Variants in GRID2 observed in about 807,000 individuals in gnomAD.
The protein encoded by GRID2 is glutamate ionotropic receptor delta type subunit 2.
GRID2 carries 33 observed loss-of-function variants against 114.8 expected under a neutral mutation model. The ratio of observed to expected loss-of-function variants is 0.29; its 90% CI spans 0.22 to 0.38. The LOEUF (loss-of-function observed/expected upper bound fraction) is 0.38. GRID2 is among the 10% of genes least tolerant of loss of function. The pLI, the probability that GRID2 is intolerant of heterozygous loss-of-function variation, is 1.00. For missense variants in GRID2, 1,184 were observed against 1,257.7 expected, an observed-to-expected ratio of 0.94 and a Z score of 0.89; for synonymous variants, 505 against 449.9, an observed-to-expected ratio of 1.12 and a Z score of -1.55.
chr4:92,424,244 A>C (rs1185709314), intron 1 of GRID2, among the ~76,000 whole-genome samples: 2 of 152,122 alleles, frequency 1.3e-5, no homozygotes, highest in Non-Finnish European at 1.5e-5. Context: ...ATTATTGCAA[A>C]GGAAAGAGTT....
intron 1 of GRID2, among the ~76,000 whole-genome samples, chr4:92,410,805 A>G (rs989156687): frequency 4.1e-5 from 6 of 147,912 alleles, no homozygotes; most frequent in Admixed American, 6.8e-5. Context: ...TCGGTGTAAT[A>G]TTTAACAACC....
At chr4:93,308,586 G>T (rs577333422) in intron 8 of GRID2, among the ~76,000 whole-genome samples, 1 of 152,200 alleles carries the variant, frequency 6.6e-6, no homozygotes, top group African/African-American at 2.4e-5. Flanking sequence ...TTAGTAAAGG[G>T]TTTCAACAGG....
intron 13 of GRID2, among the ~76,000 whole-genome samples, chr4:93,558,459 C>T (rs537925234): frequency 2.0e-5 from 3 of 152,278 alleles, no homozygotes; most frequent in East Asian, 3.9e-4. Context: ...CTATGCACAC[C>T]TCTATGCAAA....
At chr4:93,670,397 A>G (rs1442643606) in intron 14 of GRID2, among the ~76,000 whole-genome samples, 3 of 152,160 alleles carry the variant, frequency 2.0e-5, no homozygotes, top group Non-Finnish European at 4.4e-5. Context: ...TTTTTCTAAT[A>G]TACTGATAAA....
chr4:92,396,475 A>G (rs979009658), intron 1 of GRID2, among the ~76,000 whole-genome samples: 1 of 151,988 alleles, frequency 6.6e-6, no homozygotes, highest in Non-Finnish European at 1.5e-5. Context: ...TATCATCATC[A>G]TACACAGTCA....
chr4:93,008,032 CAAAA>C (rs1273416294), intron 2 of GRID2, among the ~76,000 whole-genome samples: 1 of 62,510 alleles, frequency 1.6e-5, no homozygotes, highest in Admixed American at 1.8e-4. Flanking sequence ...GAGACTGTCA[CAAAA>C]AAAAAAAAAA....
At chr4:92,387,205 A>T (rs868350076) in intron 1 of GRID2, among the ~76,000 whole-genome samples, 68 of 151,990 alleles carry the variant, frequency 4.5e-4, no homozygotes, top group Admixed American at 3.0e-3. Flanking sequence ...GAACATCTTA[A>T]CTCTAGAAAC....
At chr4:93,589,556 G>T (rs1737946690) in intron 13 of GRID2, among the ~76,000 whole-genome samples, 1 of 152,016 alleles carries the variant, frequency 6.6e-6, no homozygotes, top group Non-Finnish European at 1.5e-5. Context: ...ATAGTCATTT[G>T]GGTATATACC....
chr4:92,652,250 A>G (rs1731978862), intron 2 of GRID2, among the ~76,000 whole-genome samples: 1 of 152,022 alleles, frequency 6.6e-6, no homozygotes, highest in African/African-American at 2.4e-5. Flanking sequence ...TACTCGGTCT[A>G]CTGATTCATA....
At chr4:93,629,948 G>C (rs1743091836) in intron 14 of GRID2, among the ~76,000 whole-genome samples, 3 of 152,134 alleles carry the variant, frequency 2.0e-5, no homozygotes, top group Admixed American at 2.0e-4. Context: ...TATGCTACAA[G>C]TACATACACT....
At chr4:92,654,657 A>T (rs923462683) in intron 2 of GRID2, among the ~76,000 whole-genome samples, 3 of 151,850 alleles carry the variant, frequency 2.0e-5, no homozygotes, top group Non-Finnish European at 4.4e-5. Flanking sequence ...TTCCCTGATG[A>T]TTAACAATGT....
intron 8 of GRID2, among the ~76,000 whole-genome samples, chr4:93,265,381 G>A (rs1750708613): frequency 6.6e-6 from 1 of 152,162 alleles, no homozygotes; most frequent in Admixed American, 6.5e-5. Context: ...TAACCAAGTT[G>A]TGGACATTCT....
At chr4:93,377,035 T>C (rs529925003) in intron 8 of GRID2, among the ~76,000 whole-genome samples, 1 of 152,184 alleles carries the variant, frequency 6.6e-6, no homozygotes, top group South Asian at 2.1e-4. Context: ...GTCATGATTA[T>C]GTTTTAAAGG....
intron 1 of GRID2, among the ~76,000 whole-genome samples, chr4:92,467,741 A>G (rs943547591): frequency 6.6e-6 from 1 of 152,002 alleles, no homozygotes; most frequent in Non-Finnish European, 1.5e-5. Flanking sequence ...ATGTGTACAC[A>G]TGTTATGGAA....
At chr4:93,383,793 T>G (rs551827969) in intron 8 of GRID2, among the ~76,000 whole-genome samples, 22 of 152,218 alleles carry the variant, frequency 1.4e-4, no homozygotes, top group African/African-American at 5.3e-4. Context: ...TTTATTTCTT[T>G]ATTTCTTTTT....
At chr4:93,563,260 C>T (rs76003900) in intron 13 of GRID2, among the ~76,000 whole-genome samples, 3 of 151,910 alleles carry the variant, frequency 2.0e-5, no homozygotes, top group Admixed American at 1.3e-4. Context: ...TTTTTTAAAA[C>T]GTCATTGTTT....
chr4:93,089,100 G>A (rs1480996874), intron 3 of GRID2, among the ~76,000 whole-genome samples: 1 of 152,026 alleles, frequency 6.6e-6, no homozygotes, highest in Non-Finnish European at 1.5e-5. Context: ...GTAGTGGGAG[G>A]TCAGGTAACT....
chr4:93,496,834 G>A (rs553403110), intron 12 of GRID2, among the ~76,000 whole-genome samples: 1 of 151,928 alleles, frequency 6.6e-6, no homozygotes, highest in Non-Finnish European at 1.5e-5. Context: ...AAGCTTCTAA[G>A]AACACTTACA....
chr4:93,185,884 T>G (rs974876117), intron 4 of GRID2, among the ~76,000 whole-genome samples: 1 of 152,206 alleles, frequency 6.6e-6, no homozygotes, highest in Admixed American at 6.5e-5. Context: ...ATTCTAATGC[T>G]ATCCCTCCCC....
Sources: allele counts gnomAD v4.1 joint callset (sites outside exome capture counted in the v4.1 genomes callset), GRCh38; gene constraint gnomAD v4.1.1; transcripts MANE v1.5; gene names NCBI Gene and HGNC (gene_info 2026-07-23, HGNC 2026-07-21).